GRIK3: variants seen among roughly 807,000 people sequenced by gnomAD.
The protein encoded by GRIK3 is glutamate ionotropic receptor kainate type subunit 3.
Under a neutral mutation model 102.5 loss-of-function variants are expected in GRIK3, and 29 were observed. The ratio of observed to expected loss-of-function variants is 0.28; its 90% CI spans 0.21 to 0.39. The LOEUF is 0.39. Among genes scored for constraint, GRIK3 ranks in the 10% least tolerant of loss-of-function variants. The probability of loss-of-function intolerance (pLI) is 1.00; values close to 1 mark genes in which losing one functional copy is unlikely to be tolerated. For synonymous variants in GRIK3, 511 were observed against 504.9 expected, an observed-to-expected ratio of 1.01 and a Z score of -0.16; for missense variants, 908 against 1,252.4, an observed-to-expected ratio of 0.73 and a Z score of 4.15.
In GRIK3 at chr1:36,985,886, C is replaced by T. The variant is rs575800348; in HGVS notation, c.115+48108G>A. 9.2e-5 allele frequency among the ~76,000 whole-genome samples: 14 copies of T among 152,246 alleles called. No individual in the cohort carries two copies. In the South Asian group the frequency reaches 2.9e-3, roughly 32 times the overall value. ...TGTCCGATCTCCCACAGAGTAGGAC[C>T]CAGCAATGAAGGGTGAGTGTGGCCC... On this transcript the variant is annotated intron_variant, in intron 1 of 15. Transcript: ENST00000373091.
intron 5 of GRIK3, among the ~76,000 whole-genome samples, chr1:36,866,034 C>T (rs555449100): frequency 8.5e-5 from 13 of 152,286 alleles, no homozygotes; most frequent in East Asian, 3.9e-4. Context: ...CAGGCCTGCC[C>T]GACTATGCCT....
intron 1 of GRIK3, among the ~76,000 whole-genome samples, chr1:36,899,758 A>C (rs1172674860): frequency 6.6e-6 from 1 of 152,200 alleles, no homozygotes; most frequent in African/African-American, 2.4e-5. Flanking sequence ...AATCAAAAGA[A>C]AGTGAAAGTA....
At chr1:36,871,702 G>A (rs935542046) in intron 4 of GRIK3, among the ~76,000 whole-genome samples, 1 of 152,204 alleles carries the variant, frequency 6.6e-6, no homozygotes, top group African/African-American at 2.4e-5. Flanking sequence ...CAGATGGTAC[G>A]AGAGCCTTGA....
Position 36,798,332 on chromosome 1 carries a change from T to TCA in GRIK3, c.*3517_*3518dup, listed in dbSNP as rs1642392880. 6.6e-6 allele frequency: 1 copy of TCA among 152,268 alleles called. No individual in the cohort carries two copies. Among genetic ancestry groups the TCA allele is most frequent in the African/African-American group, 2.4e-5 (1 of 41,430 alleles). 9.4% of individuals were successfully genotyped at this position (152,268 alleles called of 1,614,324 possible). A position where few individuals can be genotyped will look rare whatever the true frequency, so the allele number is the denominator to read the frequency against. On this transcript the variant is annotated 3_prime_UTR_variant, in exon 16 of 16. Coordinates refer to ENST00000373091, the MANE Select transcript of GRIK3 (RefSeq NM_000831.4). The stretch of plus-strand genomic sequence containing the variant: ...GGATGCAGTGGGGACATTCTTCTGT[T>TCA]CAGGGCTGGCATGTGGCACCACGCA...
At chr1:36,887,879 C>T (rs547611426) in intron 2 of GRIK3, among the ~76,000 whole-genome samples, 1 of 150,746 alleles carries the variant, frequency 6.6e-6, no homozygotes, top group Admixed American at 6.6e-5. Flanking sequence ...ACCAGAATGG[C>T]CAAAATTTAA....
intron 8 of GRIK3, among the ~76,000 whole-genome samples, chr1:36,853,249 C>T (rs1638385863): frequency 6.6e-6 from 1 of 152,162 alleles, no homozygotes; most frequent in Admixed American, 6.5e-5. Flanking sequence ...AAATTTTTAC[C>T]CAAGAACATG....
At chr1:36,860,409 C>A (rs1463460846) in intron 5 of GRIK3, among the ~76,000 whole-genome samples, 1 of 152,230 alleles carries the variant, frequency 6.6e-6, no homozygotes, top group Non-Finnish European at 1.5e-5. Flanking sequence ...CATCTTGTTA[C>A]ACAGAGGGAG....
intron 1 of GRIK3, among the ~76,000 whole-genome samples, chr1:37,033,607 T>A: frequency 6.6e-6 from 1 of 152,186 alleles, no homozygotes. Flanking sequence ...GGAGAGAAGT[T>A]GGCGCCTTCC....
intron 1 of GRIK3, among the ~76,000 whole-genome samples, chr1:36,990,762 T>C (rs1314724593): frequency 1.3e-5 from 2 of 152,012 alleles, no homozygotes; most frequent in East Asian, 3.9e-4. Flanking sequence ...CAGTTGCAAA[T>C]CGCTGAGCCC....
At chr1:37,014,493 T>C (rs1642630968) in intron 1 of GRIK3, among the ~76,000 whole-genome samples, 1 of 152,272 alleles carries the variant, frequency 6.6e-6, no homozygotes, top group Non-Finnish European at 1.5e-5. Flanking sequence ...CATCTTTTCA[T>C]ACCTGAATGG....
intron 6 of GRIK3, 26 bp from the exon 7 acceptor site, chr1:36,859,277 C>A: frequency 6.3e-7 from 1 of 1,584,742 alleles, no homozygotes. Flanking sequence ...TGCCTGAGAG[C>A]GGCTCCCAAG....
chr1:36,929,630 T>C (rs1461437459), intron 1 of GRIK3, among the ~76,000 whole-genome samples: 1 of 152,120 alleles, frequency 6.6e-6, no homozygotes, highest in Non-Finnish European at 1.5e-5. Context: ...TCAGTGAATA[T>C]CTCCTGGGGC....
At chr1:36,893,844 T>C (rs1641144682) in intron 1 of GRIK3, among the ~76,000 whole-genome samples, 3 of 152,230 alleles carry the variant, frequency 2.0e-5, no homozygotes, top group African/African-American at 7.2e-5. Context: ...ATGATATATT[T>C]TTAAGTGAAC....
rs60401099 is a variant in GRIK3, at chr1:36,945,520, T to C, written c.116-54424A>G. ...CATTTAGACTGATCCTGCAACATCG[T>C]TTAGACTGATCCTTCCTGCCAACAG... On this transcript the variant is annotated intron_variant, in intron 1 of 15. Transcript: ENST00000373091. Among the ~76,000 whole-genome samples, 1,251 of 151,162 alleles carry C rather than the reference T, an allele frequency of 8.3e-3. 18 individuals are homozygous for C. Among genetic ancestry groups the C allele is most frequent in the South Asian group, 0.048 (231 of 4,814 alleles).
At chr1:36,917,509 G>C (rs753989496) in intron 1 of GRIK3, among the ~76,000 whole-genome samples, 2 of 152,202 alleles carry the variant, frequency 1.3e-5, no homozygotes, top group Non-Finnish European at 2.9e-5. Flanking sequence ...TTGTGGGAGG[G>C]ACCCACTGAG....
chr1:36,890,800 G>A, intron 2 of GRIK3, 120 bp downstream of exon 2: 1 of 701,706 alleles, frequency 1.4e-6, no homozygotes, highest in East Asian at 2.6e-5. Flanking sequence ...GCCCAAACCA[G>A]GTAGAAAAGG....
chr1:36,801,661 G>A lies in GRIK3; in HGVS notation c.*190C>T. ...AGAAACCCACAGAAGATCTGAGGAG[G>A]ATGAAGCCCAAGCAGCTGGCCTGAG... On this transcript the variant is annotated 3_prime_UTR_variant, in exon 16 of 16. Transcript: ENST00000373091. The A allele has an allele frequency of 2.0e-6, 1 of 492,964 alleles. No individual in the cohort carries two copies. Among genetic ancestry groups the A allele is most frequent in the Non-Finnish European group, 3.5e-6 (1 of 282,886 alleles). 30.5% of individuals were successfully genotyped at this position (492,964 alleles called of 1,614,324 possible). A position where few individuals can be genotyped will look rare whatever the true frequency, so the allele number is the denominator to read the frequency against.
At chr1:36,807,538 G>A (rs981049310) in intron 13 of GRIK3, among the ~76,000 whole-genome samples, 7 of 152,174 alleles carry the variant, frequency 4.6e-5, no homozygotes, top group Non-Finnish European at 8.8e-5. Context: ...ACAGGCTGGC[G>A]CAGGACTGGG....
At chr1:36,939,503 A>T (rs1641697180) in intron 1 of GRIK3, among the ~76,000 whole-genome samples, 1 of 152,260 alleles carries the variant, frequency 6.6e-6, no homozygotes, top group Non-Finnish European at 1.5e-5. Context: ...AGGAGGGATC[A>T]TTTAGGAAGA....
Sources: allele counts gnomAD v4.1 joint callset (sites outside exome capture counted in the v4.1 genomes callset), GRCh38; gene constraint gnomAD v4.1.1; transcripts MANE v1.5; gene names NCBI Gene and HGNC (gene_info 2026-07-23, HGNC 2026-07-21).